Variants in DHX35 observed in about 807,000 individuals in gnomAD.
The protein encoded by DHX35 is DEAH-box helicase 35.
In DHX35, 84 loss-of-function variants were observed where a neutral mutation model predicts 99.6. The ratio of observed to expected loss-of-function variants is 0.84; its 90% CI spans 0.71 to 1.01. The LOEUF (loss-of-function observed/expected upper bound fraction) is 1.01, where lower values mean the gene tolerates loss of function less well. DHX35 is among the 50% of genes least tolerant of loss of function. The pLI is 0.00. For synonymous variants in DHX35, 331 were observed against 316.2 expected, an observed-to-expected ratio of 1.05 and a Z score of -0.50; for missense variants, 852 against 888.5, an observed-to-expected ratio of 0.96 and a Z score of 0.52.
At chr20:38,974,421 A>G (rs188275049) in intron 3 of DHX35, among the ~76,000 whole-genome samples, 303 of 152,352 alleles carry the variant, frequency 2.0e-3, no homozygotes, top group African/African-American at 7.1e-3. Flanking sequence ...ATTTGTGATG[A>G]CAAAGGGGAA....
At chr20:38,981,445 A>T (rs1358278801) in intron 3 of DHX35, among the ~76,000 whole-genome samples, 4 of 152,126 alleles carry the variant, frequency 2.6e-5, no homozygotes, top group African/African-American at 9.7e-5. Flanking sequence ...TTAAAGCCCA[A>T]TACTGTCATT....
At chr20:39,026,275 G>A (rs1476377847) in intron 18 of DHX35, among the ~76,000 whole-genome samples, 2 of 152,176 alleles carry the variant, frequency 1.3e-5, no homozygotes, top group South Asian at 2.1e-4. Context: ...TGAGAAAAGC[G>A]TGGCTAAGAG....
chr20:38,977,982 A>G, intron 3 of DHX35: 2 of 678,852 alleles, frequency 2.9e-6, no homozygotes, highest in South Asian at 1.4e-5. Flanking sequence ...CGTTGCTACC[A>G]CCTCCAGGGG....
chr20:39,005,679 T>C (rs2145903099), intron 11 of DHX35, among the ~76,000 whole-genome samples: 1 of 152,316 alleles, frequency 6.6e-6, no homozygotes. Flanking sequence ...GGGCCTTGTC[T>C]GTCTTGTTTA....
chr20:39,023,752 T>C lies in DHX35; in HGVS notation c.1656T>C (p.Tyr552=), dbSNP rs2086908463. The C allele has an allele frequency of 6.2e-7, 1 of 1,613,966 alleles. No homozygotes were observed. Among genetic ancestry groups the C allele is most frequent in the Non-Finnish European group, 8.5e-7 (1 of 1,179,858 alleles). Residue 552 remains tyrosine, a synonymous_variant, in exon 17 of 22, where the codon TAT becomes TAC. Transcript: ENST00000252011. The part of the protein sequence containing the change: ...EGDHLTMLNI[Y]EAFIKHNKDS... ...ACCACCTCACTATGCTCAATATATA[T>C]GAAGCATTTATCAAAGTAAGCACAA...
At chr20:39,028,301 T>C in intron 18 of DHX35, 117 bp from the exon 19 acceptor site, 1 of 964,180 alleles carries the variant, frequency 1.0e-6, no homozygotes, top group Non-Finnish European at 1.7e-6. Context: ...AGGAGAGGGT[T>C]TCCAGGTGTC....
chr20:38,986,007 G>C (rs2145864167), intron 4 of DHX35, among the ~76,000 whole-genome samples: 1 of 152,290 alleles, frequency 6.6e-6, no homozygotes, highest in East Asian at 1.9e-4. Flanking sequence ...TTGACTTCAA[G>C]ACCAGGTAGG....
At chr20:39,011,697 T>TA (rs1464269356) in intron 13 of DHX35, among the ~76,000 whole-genome samples, 1 of 152,168 alleles carries the variant, frequency 6.6e-6, no homozygotes, top group East Asian at 1.9e-4. Context: ...AGTTAATACA[T>TA]ATTCTCTCAT....
chr20:39,015,031 A>G, intron 14 of DHX35, 97 bp downstream of exon 14: 1 of 1,399,982 alleles, frequency 7.1e-7, no homozygotes, highest in East Asian at 2.3e-5. Flanking sequence ...TATCTTCAGG[A>G]ATGGGATTGG....
chr20:38,963,284 C>T (rs1168561138), intron 1 of DHX35, among the ~76,000 whole-genome samples: 3 of 152,152 alleles, frequency 2.0e-5, no homozygotes, highest in South Asian at 4.1e-4. Flanking sequence ...TTTTCTACCA[C>T]CTGCACCCCT....
chr20:39,013,061 A>C (rs1369432452), intron 13 of DHX35, among the ~76,000 whole-genome samples: 1 of 152,212 alleles, frequency 6.6e-6, no homozygotes, highest in Admixed American at 6.5e-5. Flanking sequence ...TAATGCTTAT[A>C]GCATTTATAT....
At chr20:38,966,488 G>A (rs543614744) in intron 1 of DHX35, among the ~76,000 whole-genome samples, 1 of 152,332 alleles carries the variant, frequency 6.6e-6, no homozygotes, top group East Asian at 1.9e-4. Flanking sequence ...TGGCTAACAT[G>A]GTGTGACCCT....
At chr20:39,008,860 G>T (rs1041778324) in intron 12 of DHX35, among the ~76,000 whole-genome samples, 1 of 152,170 alleles carries the variant, frequency 6.6e-6, no homozygotes, top group African/African-American at 2.4e-5. Context: ...ATGGCAACAT[G>T]CAGCTTCCCT....
chr20:39,026,112 G>A (rs1325004626), intron 18 of DHX35, among the ~76,000 whole-genome samples: 1 of 152,180 alleles, frequency 6.6e-6, no homozygotes, highest in African/African-American at 2.4e-5. Flanking sequence ...AGTGTGCCAG[G>A]TACTCAGCCA....
In DHX35 at chr20:38,962,351, T is replaced by C; in HGVS notation, c.-17T>C. ...CGACGGTGGGGTGGAGCTAGCCTCG[T>C]GACCTTTTACCCCAACATGGCTGCG... On this transcript the variant is annotated 5_prime_UTR_variant, in exon 1 of 22. Coordinates refer to ENST00000252011, the MANE Select transcript of DHX35 (RefSeq NM_021931.4). 1 of 1,611,372 alleles carries C rather than the reference T, an allele frequency of 6.2e-7. No individual in the cohort carries two copies. The highest frequency in any genetic ancestry group is 1.3e-5 in the African/African-American group (1 of 74,938).
intron 10 of DHX35, 55 bp downstream of exon 10, chr20:39,002,923 A>G: frequency 1.4e-6 from 2 of 1,414,086 alleles, no homozygotes; most frequent in Non-Finnish European, 2.0e-6. Context: ...CACCAAAAGT[A>G]ATACAGAGCC....
At chr20:39,025,005 C>T (rs2086930390) in intron 17 of DHX35, among the ~76,000 whole-genome samples, 1 of 152,130 alleles carries the variant, frequency 6.6e-6, no homozygotes, top group East Asian at 1.9e-4. Flanking sequence ...TCATTAAGTT[C>T]TCATTTGCCC....
chr20:38,967,120 C>G (rs2085922994), intron 1 of DHX35, among the ~76,000 whole-genome samples: 1 of 107,706 alleles, frequency 9.3e-6, no homozygotes, highest in Non-Finnish European at 1.9e-5. Context: ...CTAAACTTAG[C>G]TCTAGGGGGT....
chr20:39,038,247 G>T (rs923603537), intron 21 of DHX35, among the ~76,000 whole-genome samples: 1 of 152,188 alleles, frequency 6.6e-6, no homozygotes, highest in African/African-American at 2.4e-5. Context: ...GACAGCTTCC[G>T]CAGAGCCCTG....
Sources: allele counts gnomAD v4.1 joint callset (sites outside exome capture counted in the v4.1 genomes callset), GRCh38; gene constraint gnomAD v4.1.1; transcripts MANE v1.5; gene names NCBI Gene and HGNC (gene_info 2026-07-23, HGNC 2026-07-21).